The following CERS6 variants were observed in gnomAD, a reference collection of about 807,000 sequenced individuals.
CERS6 encodes LAG1 homolog, ceramide synthase 6.
A neutral mutation model predicts 56.8 loss-of-function variants in CERS6; 26 were observed. That is an observed-to-expected ratio of 0.46 (90% CI 0.34 to 0.63). The LOEUF is 0.63. Ranked by LOEUF, CERS6 falls within the 30% of genes least tolerant of loss-of-function variation. The pLI is 0.01. For synonymous variants in CERS6, 164 were observed against 173.3 expected (o/e 0.95, Z 0.42); for missense variants, 415 against 467.5 (o/e 0.89, Z 1.04).
At chr2:168,757,891 T>C (rs1157547986) in intron 8 of CERS6, among the ~76,000 whole-genome samples, 1 of 152,146 alleles carries the variant, frequency 6.6e-6, no homozygotes, top group East Asian at 1.9e-4. Flanking sequence ...TGCAGTCTTG[T>C]TAAAAGGAAG....
At chr2:168,580,324 A>G (rs1683378348) in intron 3 of CERS6, among the ~76,000 whole-genome samples, 1 of 151,184 alleles carries the variant, frequency 6.6e-6, no homozygotes, top group Non-Finnish European at 1.5e-5. Context: ...ACTTGATTCC[A>G]TTTTCCCTTT....
chr2:168,689,757 A>C (rs556879726), intron 4 of CERS6, among the ~76,000 whole-genome samples: 5 of 152,202 alleles, frequency 3.3e-5, no homozygotes, highest in Non-Finnish European at 7.3e-5. Context: ...TCTCGGAAAG[A>C]AAATGAATAG....
chr2:168,579,422 A>C (rs1307553462), intron 3 of CERS6, among the ~76,000 whole-genome samples: 1 of 152,098 alleles, frequency 6.6e-6, no homozygotes, highest in East Asian at 1.9e-4. Context: ...CCTGTCTCTT[A>C]GTTCTCCATG....
At chr2:168,746,786 T>C (rs1292493129) in intron 8 of CERS6, among the ~76,000 whole-genome samples, 4 of 77,070 alleles carry the variant, frequency 5.2e-5, no homozygotes, top group African/African-American at 1.1e-4. Flanking sequence ...TATATATATA[T>C]ATATATATAT....
intron 1 of CERS6, among the ~76,000 whole-genome samples, chr2:168,526,504 A>G (rs557156080): frequency 4.6e-5 from 7 of 152,360 alleles, no homozygotes; most frequent in Admixed American, 1.3e-4. Flanking sequence ...ATTTGCCTGT[A>G]TATGTGCCAG....
Position 168,456,661 on chromosome 2 carries a change from C to G in CERS6, c.170+43C>G. 1 of 1,570,642 alleles carries G rather than the reference C, an allele frequency of 6.4e-7. No individual in the cohort carries two copies. The highest frequency in any genetic ancestry group is 8.7e-7 in the Non-Finnish European group (1 of 1,151,438). On this transcript the variant is annotated intron_variant, in intron 1 of 9. Coordinates refer to ENST00000305747, the MANE Select transcript of CERS6 (RefSeq NM_203463.3). This position sits in a 1 kb window ranked among gnomAD's most constrained non-coding sequence, Gnocchi z 4.1. ...CCCTCCTCCCCTCCCCCTGCGCACA[C>G]ACACGCGCGCACACACTCGCGCGCT...
At chr2:168,514,637 T>C (rs1006956863) in intron 1 of CERS6, among the ~76,000 whole-genome samples, 2 of 152,218 alleles carry the variant, frequency 1.3e-5, no homozygotes, top group Admixed American at 6.5e-5. Context: ...TCAGATGTTA[T>C]AGACGAGAGA....
chr2:168,664,655 A>C (rs763721203), intron 4 of CERS6, among the ~76,000 whole-genome samples: 4 of 152,104 alleles, frequency 2.6e-5, no homozygotes, highest in Non-Finnish European at 5.9e-5. Context: ...TTGCCATGGC[A>C]TTTGTAAACT....
rs950211863 is a variant in CERS6 at position 168,746,847 on chromosome 2, A to G, written c.846-18745A>G. On this transcript the variant is annotated intron_variant, in intron 8 of 9. Coordinates refer to ENST00000305747, the MANE Select transcript of CERS6 (RefSeq NM_203463.3). ...AAATCATCTTTGAAAAAATGATTAT[A>G]TGCATTTATATAGATTTAAAGTATG... is the stretch of plus-strand genomic sequence containing the variant. 5.8e-5 allele frequency among the ~76,000 whole-genome samples: 8 copies of G among 138,630 alleles called. No homozygotes were observed. The East Asian group carries it at 1.3e-3, about 22-fold the overall frequency. 90.9% of individuals were successfully genotyped at this position (138,630 alleles called of 152,430 possible).
intron 1 of CERS6, among the ~76,000 whole-genome samples, chr2:168,480,066 G>T (rs1694151898): frequency 2.0e-5 from 3 of 152,202 alleles, no homozygotes; most frequent in Admixed American, 2.0e-4. Flanking sequence ...CAAATAGTGA[G>T]GATTGGAATT....
intron 3 of CERS6, among the ~76,000 whole-genome samples, chr2:168,607,603 A>G (rs947317150): frequency 2.0e-5 from 3 of 152,130 alleles, no homozygotes; most frequent in Non-Finnish European, 4.4e-5. Context: ...GATGATCTCG[A>G]TCTCCTGATC....
At position 168,456,562 on chromosome 2, in the gene CERS6, C is replaced by T. The variant is rs536654612; in HGVS notation, c.114C>T (p.Leu38=). 8.1e-6 allele frequency: 13 copies of T among 1,614,104 alleles called. No individual in the cohort carries two copies. The South Asian group carries it at 9.9e-5, about 12-fold the overall frequency. The change falls in exon 1 of 10, where the codon CTC becomes CTT. Residue 38 remains leucine, a synonymous_variant. Transcript: ENST00000305747. This position sits in a 1 kb window ranked among gnomAD's most constrained non-coding sequence, Gnocchi z 4.1. Reference sequence around the variant, plus strand: ...CCACCTTCCCGCAGGCTGAGGACCTCTATCTCGCTTTTCCCCTGGCCTTCT... The same window carrying T: ...CCACCTTCCCGCAGGCTGAGGACCTTTATCTCGCTTTTCCCCTGGCCTTCT... ...EEATFPQAED[L]YLAFPLAFCI...
At position 168,715,014 on chromosome 2, in the gene CERS6, T is replaced by C; in HGVS notation, c.623T>C (p.Met208Thr). Residue 208 changes from methionine to threonine, a missense_variant, in exon 7 of 10, where the codon ATG becomes ACG. Physicochemically the swap from Met to Thr is moderately conservative, Grantham distance 81 (BLOSUM62 -1). Transcript: ENST00000305747. ...TDIKRKDFGIMFLHHLVSIFL... is the reference protein window; with the variant it reads ...TDIKRKDFGITFLHHLVSIFL... ...TCTTTCCTCAAGGACTTTGGCATTATGTTCCTGCACCACCTTGTATCTATT... is the reference window on the plus strand; with the variant it reads ...TCTTTCCTCAAGGACTTTGGCATTACGTTCCTGCACCACCTTGTATCTATT... The C allele has an allele frequency of 6.2e-7, 1 of 1,605,364 alleles. No homozygotes were observed. The highest frequency in any genetic ancestry group is 8.5e-7 in the Non-Finnish European group (1 of 1,176,940).
chr2:168,678,707 C>G (rs1686133560), intron 4 of CERS6, among the ~76,000 whole-genome samples: 1 of 152,104 alleles, frequency 6.6e-6, no homozygotes, highest in South Asian at 2.1e-4. Flanking sequence ...CACAAAGGCT[C>G]TTTAGACAGA....
chr2:168,734,730 A>C (rs1683661263), intron 8 of CERS6, among the ~76,000 whole-genome samples: 1 of 152,250 alleles, frequency 6.6e-6, no homozygotes, highest in East Asian at 1.9e-4. Context: ...AAAGTTGCTT[A>C]GCAATGGGAC....
intron 3 of CERS6, among the ~76,000 whole-genome samples, chr2:168,572,396 C>G (rs1422544264): frequency 2.0e-5 from 3 of 152,028 alleles, no homozygotes; most frequent in East Asian, 3.9e-4. Flanking sequence ...GTTCTTCTCA[C>G]CCACAAATAA....
intron 8 of CERS6, among the ~76,000 whole-genome samples, chr2:168,733,663 C>G (rs540724610): frequency 1.3e-5 from 2 of 152,270 alleles, no homozygotes; most frequent in South Asian, 2.1e-4. Flanking sequence ...CAGCTCAACT[C>G]CAGCACAGGA....
rs552512370 is a variant in CERS6 at position 168,520,907 on chromosome 2, T to C, written c.171-26689T>C. ...TACAGACGTGAGCCACCACGCTCAA[T>C]TGGTATACTTTGAATTAAATACTGT... On this transcript the variant is annotated intron_variant, in intron 1 of 9. Coordinates refer to ENST00000305747, the MANE Select transcript of CERS6 (RefSeq NM_203463.3). 3.0e-4 allele frequency among the ~76,000 whole-genome samples: 45 copies of C among 152,110 alleles called. 1 individual carries two copies. The highest frequency in any genetic ancestry group is 9.7e-4 in the East Asian group (5 of 5,172).
chr2:168,614,264 A>G lies in CERS6; in HGVS notation c.408-16721A>G, dbSNP rs190788063. Among the ~76,000 whole-genome samples, 9 of 152,358 alleles carry G rather than the reference A, an allele frequency of 5.9e-5. No homozygotes were observed. The East Asian group carries it at 1.7e-3, about 29-fold the overall frequency. The stretch of plus-strand genomic sequence containing the variant: ...TGTGCATACAAACGTATGTGTATAC[A>G]CATATTTTCATAATATACATATGCA... On this transcript the variant is annotated intron_variant, in intron 3 of 9. Transcript: ENST00000305747.
Sources: allele counts gnomAD v4.1 joint callset (sites outside exome capture counted in the v4.1 genomes callset), GRCh38; gene constraint gnomAD v4.1.1; non-coding constraint Gnocchi (gnomAD v3.1); transcripts MANE v1.5; gene names NCBI Gene and HGNC (gene_info 2026-07-23, HGNC 2026-07-21).